The following CFTR variants were observed in gnomAD, a reference collection of about 807,000 sequenced individuals.
CFTR encodes CF transmembrane conductance regulator.
Under a neutral mutation model 171.6 loss-of-function variants are expected in CFTR, and 181 were observed. The observed-to-expected ratio is 1.05, with a 90% CI of 0.93 to 1.19. The LOEUF is 1.19. Ranked by LOEUF, CFTR falls within the 50% of genes most tolerant of loss-of-function variation. The pLI is 0.00. For missense variants in CFTR, 1,968 were observed against 1,734.7 expected (o/e 1.13, Z -2.39); for synonymous variants, 583 against 608.0 (o/e 0.96, Z 0.60).
chr7:117,606,951 G>A (rs915342863), intron 18 of CFTR, among the ~76,000 whole-genome samples, 198 bp downstream of exon 18: 12 of 152,168 alleles, frequency 7.9e-5, no homozygotes, highest in African/African-American at 2.6e-4. Flanking sequence ...TGCTTACCTG[G>A]CCCAAACCTG....
chr7:117,524,351 C>T, intron 3 of CFTR, among the ~76,000 whole-genome samples: 1 of 149,418 alleles, frequency 6.7e-6, no homozygotes, highest in African/African-American at 2.5e-5. Flanking sequence ...TTGACTGCAA[C>T]TCAAGAGAGC....
At chr7:117,616,282 C>G (rs1441509657) in intron 21 of CFTR, 2 of 151,122 alleles carry the variant, frequency 1.3e-5, no homozygotes, top group Non-Finnish European at 3.0e-5. Context: ...GTAGTTCGGT[C>G]TTTAATTCCA....
At chr7:117,600,443 T>A (rs1792206587) in intron 15 of CFTR, among the ~76,000 whole-genome samples, 1 of 152,078 alleles carries the variant, frequency 6.6e-6, no homozygotes, top group African/African-American at 2.4e-5. Context: ...TCCTGTTTAA[T>A]GCTTTCATTC....
At chr7:117,525,930 G>A (rs1472020795) in intron 3 of CFTR, among the ~76,000 whole-genome samples, 1 of 149,624 alleles carries the variant, frequency 6.7e-6, no homozygotes, top group Non-Finnish European at 1.5e-5. Flanking sequence ...TCATTATGAT[G>A]TTAGCTGGTG....
intron 23 of CFTR, among the ~76,000 whole-genome samples, chr7:117,649,998 A>T (rs1474527345): frequency 1.3e-5 from 2 of 152,084 alleles, no homozygotes; most frequent in Non-Finnish European, 2.9e-5. Context: ...GAGGGAGTGA[A>T]AGAAAGCTAG....
chr7:117,511,202 C>T (rs1798512310), intron 3 of CFTR, among the ~76,000 whole-genome samples: 1 of 152,054 alleles, frequency 6.6e-6, no homozygotes, highest in South Asian at 2.1e-4. Context: ...ACTTCAGGGG[C>T]AAATCTGAAA....
At chr7:117,510,806 A>G (rs1263216607) in intron 3 of CFTR, among the ~76,000 whole-genome samples, 3 of 152,206 alleles carry the variant, frequency 2.0e-5, no homozygotes, top group African/African-American at 7.2e-5. Context: ...TTTAATATTT[A>G]TTGAGTACCT....
chr7:117,536,058 C>T (rs1798949576), intron 6 of CFTR, among the ~76,000 whole-genome samples: 1 of 152,142 alleles, frequency 6.6e-6, no homozygotes, highest in African/African-American at 2.4e-5. Context: ...GATCATCACA[C>T]CAGAGCCTTA....
chr7:117,562,939 G>C (rs1584799948), intron 11 of CFTR, among the ~76,000 whole-genome samples: 1 of 152,276 alleles, frequency 6.6e-6, no homozygotes, highest in Non-Finnish European at 1.5e-5. Context: ...GACAGAACCA[G>C]AGTGTAAATA....
chr7:117,500,906 T>G (rs1798316091), intron 1 of CFTR, among the ~76,000 whole-genome samples: 1 of 152,182 alleles, frequency 6.6e-6, no homozygotes. Flanking sequence ...GTAACATAAC[T>G]TATTAAAATG....
At chr7:117,592,969 G>A (rs1175559931) in intron 14 of CFTR, among the ~76,000 whole-genome samples, 1 of 152,204 alleles carries the variant, frequency 6.6e-6, no homozygotes, top group East Asian at 1.9e-4. Context: ...TGAACCCTCT[G>A]TGGGAAGAGG....
chr7:117,482,423 G>A (rs1293565060), intron 1 of CFTR, among the ~76,000 whole-genome samples: 1 of 151,966 alleles, frequency 6.6e-6, no homozygotes, highest in East Asian at 1.9e-4. Context: ...ATTTTGTGTG[G>A]ATTTCACATC....
chr7:117,636,687 G>C (rs1792831499), intron 22 of CFTR, among the ~76,000 whole-genome samples: 1 of 151,230 alleles, frequency 6.6e-6, no homozygotes, highest in Non-Finnish European at 1.5e-5. Flanking sequence ...GTCCATCAAA[G>C]GCATTTTACA....
intron 22 of CFTR, among the ~76,000 whole-genome samples, chr7:117,632,557 CAA>C (rs56829741): frequency 8.7e-5 from 8 of 91,456 alleles, no homozygotes; most frequent in South Asian, 3.7e-4. Context: ...GACACTGTCT[CAA>C]AAAAAAAAAA....
chr7:117,651,649 T>G (rs1476929171), intron 23 of CFTR, among the ~76,000 whole-genome samples: 1 of 152,162 alleles, frequency 6.6e-6, no homozygotes, highest in Non-Finnish European at 1.5e-5. Context: ...AATATCAGCA[T>G]GGAGGTCCTA....
intron 3 of CFTR, among the ~76,000 whole-genome samples, chr7:117,510,126 A>T (rs1317974332): frequency 1.3e-5 from 2 of 152,134 alleles, no homozygotes; most frequent in African/African-American, 4.8e-5. Flanking sequence ...AATTTTTCTG[A>T]CTTTTGAAAT....
At chr7:117,557,334 C>T (rs1584797296) in intron 10 of CFTR, among the ~76,000 whole-genome samples, 1 of 152,060 alleles carries the variant, frequency 6.6e-6, no homozygotes, top group African/African-American at 2.4e-5. Flanking sequence ...TACTTGCTCT[C>T]TGACCACATA....
intron 15 of CFTR, among the ~76,000 whole-genome samples, chr7:117,596,413 C>T (rs1367158870): frequency 2.6e-5 from 4 of 152,218 alleles, no homozygotes; most frequent in African/African-American, 4.8e-5. Context: ...TGGGCTCCTG[C>T]GTGGCCCAAG....
intron 21 of CFTR, among the ~76,000 whole-genome samples, chr7:117,615,859 G>A (rs1287951637): frequency 6.6e-6 from 1 of 151,916 alleles, no homozygotes; most frequent in East Asian, 1.9e-4. Context: ...AAGTATTTTT[G>A]TACTACTGTA....
Sources: allele counts gnomAD v4.1 joint callset (sites outside exome capture counted in the v4.1 genomes callset), GRCh38; gene constraint gnomAD v4.1.1; transcripts MANE v1.5; gene names NCBI Gene and HGNC (gene_info 2026-07-23, HGNC 2026-07-21).